Variants in RNF220 observed in about 807,000 individuals in gnomAD.
RNF220 encodes ring finger protein 220.
In RNF220, 7 loss-of-function variants were observed where a neutral mutation model predicts 67.1. The ratio of observed to expected loss-of-function variants is 0.10; its 90% CI spans 0.06 to 0.20. The LOEUF is 0.20. Among genes scored for constraint, RNF220 ranks in the 10% least tolerant of loss-of-function variants. The pLI, the probability that RNF220 is intolerant of heterozygous loss-of-function variation, is 1.00. For missense variants in RNF220, 565 were observed against 740.3 expected (o/e 0.76, Z 2.75); for synonymous variants, 270 against 283.2 (o/e 0.95, Z 0.47).
intron 2 of RNF220, among the ~76,000 whole-genome samples, chr1:44,507,645 G>A (rs762298319): frequency 6.6e-6 from 1 of 152,058 alleles, no homozygotes; most frequent in Non-Finnish European, 1.5e-5. Flanking sequence ...CGTGGGGGTT[G>A]ATACCACACT....
chr1:44,615,361 C>A (rs990085626), intron 3 of RNF220, among the ~76,000 whole-genome samples: 1 of 152,130 alleles, frequency 6.6e-6, no homozygotes, highest in East Asian at 1.9e-4. Context: ...ATACACCCCC[C>A]TTTTGATGGG....
chr1:44,548,304 TC>T (rs1331191521), intron 2 of RNF220, among the ~76,000 whole-genome samples: 9 of 152,236 alleles, frequency 5.9e-5, no homozygotes, highest in African/African-American at 1.9e-4. Flanking sequence ...CACATGATCT[TC>T]CTAAAACGTG....
chr1:44,505,464 A>T (rs1006364976), intron 2 of RNF220, among the ~76,000 whole-genome samples: 1 of 152,380 alleles, frequency 6.6e-6, no homozygotes, highest in South Asian at 2.1e-4. Context: ...GGTTGCAGTC[A>T]GCATCCGTTC....
At chr1:44,602,999 C>T (rs751719118) in intron 2 of RNF220, among the ~76,000 whole-genome samples, 7 of 152,062 alleles carry the variant, frequency 4.6e-5, no homozygotes, top group African/African-American at 7.3e-5. Context: ...CTCCTCGGGC[C>T]GCCACCCTGC....
intron 12 of RNF220, among the ~76,000 whole-genome samples, chr1:44,648,047 G>A (rs894294669): frequency 6.6e-6 from 1 of 152,226 alleles, no homozygotes; most frequent in African/African-American, 2.4e-5. Context: ...TTGCCTACAT[G>A]TGGGCCTTCT....
In RNF220 at chr1:44,417,257, C is replaced by G. The variant is rs1337187259; in HGVS notation, c.625+4535C>G. ...TCCCTCAGCTGCTCCCGGGTTCTCCCCTACTCCCCGGGGGCAAGAACTCCT... is the reference window on the plus strand; with the variant it reads ...TCCCTCAGCTGCTCCCGGGTTCTCCGCTACTCCCCGGGGGCAAGAACTCCT... On this transcript the variant is annotated intron_variant, in intron 2 of 14. Transcript: ENST00000361799. The surrounding 1 kb of genome is among the most constrained non-coding windows in gnomAD (Gnocchi z 4.0). 6.6e-6 allele frequency among the ~76,000 whole-genome samples: 1 copy of G among 152,210 alleles called. No homozygotes were observed. Among genetic ancestry groups the G allele is most frequent in the African/African-American group, 2.4e-5 (1 of 41,458 alleles).
At chr1:44,449,777 C>T (rs969807194) in intron 2 of RNF220, among the ~76,000 whole-genome samples, 3 of 152,138 alleles carry the variant, frequency 2.0e-5, no homozygotes, top group Non-Finnish European at 4.4e-5. Flanking sequence ...TGACATCTAC[C>T]GAATACCTAA....
chr1:44,517,868 A>G (rs1659580302), intron 2 of RNF220, among the ~76,000 whole-genome samples: 1 of 152,248 alleles, frequency 6.6e-6, no homozygotes, highest in Non-Finnish European at 1.5e-5. Flanking sequence ...GCACTTTGGG[A>G]GGCCAAGGCA....
At chr1:44,502,868 C>T (rs868658759) in intron 2 of RNF220, among the ~76,000 whole-genome samples, 2 of 152,056 alleles carry the variant, frequency 1.3e-5, no homozygotes, top group East Asian at 1.9e-4. Flanking sequence ...TGTGCTCAAG[C>T]GATCCTCCTG....
intron 2 of RNF220, among the ~76,000 whole-genome samples, chr1:44,510,081 A>G (rs1433157532): frequency 6.6e-6 from 1 of 151,796 alleles, no homozygotes; most frequent in East Asian, 1.9e-4. Flanking sequence ...CTATTAAAAA[A>G]TAAAACAATT....
Position 44,632,404 on chromosome 1 carries a change from CTCCCT to C in RNF220, c.949+20_949+24del. 3 of 1,601,292 alleles carry C rather than the reference CTCCCT, an allele frequency of 1.9e-6. No homozygotes were observed. Among genetic ancestry groups the C allele is most frequent in the Non-Finnish European group, 2.6e-6 (3 of 1,172,550 alleles). ...CTGAATGGTGAGTCCTGCCCGGCCC[CTCCCT>C]CCGCCCCACCCCCGGCCTCCTCCCT... is the stretch of plus-strand genomic sequence containing the variant. On this transcript the variant is annotated intron_variant, in intron 6 of 14. Transcript: ENST00000361799.
At chr1:44,563,936 C>T (rs760998481) in intron 2 of RNF220, among the ~76,000 whole-genome samples, 1 of 152,212 alleles carries the variant, frequency 6.6e-6, no homozygotes, top group Non-Finnish European at 1.5e-5. Flanking sequence ...CAGCTCCCTC[C>T]TGAGTTAGAG....
chr1:44,441,372 C>T (rs1345066805), intron 2 of RNF220, among the ~76,000 whole-genome samples: 3 of 152,110 alleles, frequency 2.0e-5, no homozygotes, highest in Non-Finnish European at 4.4e-5. Flanking sequence ...AATTCAAGAT[C>T]TAGTATTTTC....
Position 44,635,548 on chromosome 1 carries a change from G to A in RNF220, c.953G>A (p.Arg318Gln), listed in dbSNP as rs779177454. 1.9e-5 allele frequency: 31 copies of A among 1,613,956 alleles called. No homozygotes were observed. In the South Asian group the frequency reaches 3.0e-4, roughly 15 times the overall value. The stretch of plus-strand genomic sequence containing the variant: ...TGTTTTCGGTTTCCCCGTGCAGCTC[G>A]GATTGGGAAAATGAAACGGAGGAAG... ...RANRQTRLNA[R>Q]IGKMKRRKQD... The change falls in exon 7 of 15, where the codon CGG becomes CAG. Residue 318 changes from arginine (R) to glutamine (Q), a missense_variant. Transcript: ENST00000361799.
In RNF220 at chr1:44,440,709, T is replaced by C. The variant is rs990899382; in HGVS notation, c.625+27987T>C. Among the ~76,000 whole-genome samples the C allele has an allele frequency of 2.6e-5, 4 of 152,210 alleles. No homozygotes were observed. The East Asian group carries it at 5.8e-4, about 22-fold the overall frequency. On this transcript the variant is annotated intron_variant, in intron 2 of 14. Transcript: ENST00000361799. Reference sequence around the variant, plus strand: ...CTTCAGAAAGCTCTACCCAGTGATCTCTTAGATCAGGATGGAAAGAATTCT... The same window carrying C: ...CTTCAGAAAGCTCTACCCAGTGATCCCTTAGATCAGGATGGAAAGAATTCT...
intron 2 of RNF220, among the ~76,000 whole-genome samples, chr1:44,534,288 A>G (rs1661042405): frequency 6.8e-6 from 1 of 147,656 alleles, no homozygotes; most frequent in East Asian, 2.0e-4. Context: ...CCTGAGCTTG[A>G]TTTTTTTTTT....
rs955418390 is a variant in RNF220 at position 44,623,224 on chromosome 1, T to C, written c.804+437T>C. Among the ~76,000 whole-genome samples, 2 of 147,850 alleles carry C rather than the reference T, an allele frequency of 1.4e-5. 1 individual carries two copies. The highest frequency in any genetic ancestry group is 4.6e-4 in the South Asian group (2 of 4,352). ...GTGTATGAATGTGCAGGTGTGTGCG[T>C]GTGTGTGTGTTTGTGTGTACTTTGT... On this transcript the variant is annotated intron_variant, in intron 4 of 14. Transcript: ENST00000361799.
chr1:44,596,869 G>T (rs556783208), intron 2 of RNF220, among the ~76,000 whole-genome samples: 107 of 152,344 alleles, frequency 7.0e-4, no homozygotes, highest in Non-Finnish European at 9.8e-4. Context: ...GAATGTGATT[G>T]CCCACCAGTG....
chr1:44,588,247 A>G (rs1214053033), intron 2 of RNF220, among the ~76,000 whole-genome samples: 1 of 152,206 alleles, frequency 6.6e-6, no homozygotes, highest in Admixed American at 6.5e-5. Flanking sequence ...GGCAGCTCCC[A>G]TGGAGGCTCG....
Sources: gnomAD v4.1 joint callset for allele counts (sites outside exome capture counted in the v4.1 genomes callset) on GRCh38, gnomAD v4.1.1 for gene constraint, Gnocchi (gnomAD v3.1) non-coding constraint, MANE v1.5 for transcripts, NCBI Gene and HGNC (gene_info 2026-07-23, HGNC 2026-07-21) for gene names.